SPATA9: variants seen among roughly 807,000 people sequenced by gnomAD.
The protein encoded by SPATA9 is spermatogenesis-associated protein 9.
SPATA9 carries 27 observed loss-of-function variants against 25.5 expected under a neutral mutation model. The observed-to-expected ratio is 1.06, with a 90% CI of 0.78 to 1.46. The LOEUF (loss-of-function observed/expected upper bound fraction) is 1.46. SPATA9 is among the 40% of genes most tolerant of loss of function. SPATA9 has a pLI of 0.00. For missense variants in SPATA9, 282 were observed against 297.5 expected (o/e 0.95, Z 0.38); for synonymous variants, 102 against 105.7 (o/e 0.97, Z 0.21).
At chr5:95,677,573 A>G (rs1561410265) in intron 2 of SPATA9, among the ~76,000 whole-genome samples, 1 of 152,174 alleles carries the variant, frequency 6.6e-6, no homozygotes, top group African/African-American at 2.4e-5. Flanking sequence ...ATTACAGGTA[A>G]TTTCCAAACA....
At chr5:95,710,744 C>T in the SPATA9 span, among the ~76,000 whole-genome samples, 3 of 152,206 alleles carry the variant, frequency 2.0e-5, no homozygotes, top group Admixed American at 2.0e-4. Context: ...CCATTTCATT[C>T]TGTACCTCTT....
intron 3 of SPATA9, among the ~76,000 whole-genome samples, chr5:95,665,963 C>T (rs1751767595): frequency 6.6e-6 from 1 of 152,116 alleles, no homozygotes; most frequent in Non-Finnish European, 1.5e-5. Context: ...GAGCAAAACT[C>T]CATCTCAAAA....
upstream of SPATA9, chr5:95,683,122 T>C: frequency 1.5e-6 from 1 of 655,206 alleles, no homozygotes. Context: ...GATTGAATAA[T>C]AAAGTACACT....
chr5:95,728,698 G>C, the SPATA9 span, among the ~76,000 whole-genome samples: 1 of 152,186 alleles, frequency 6.6e-6, no homozygotes, highest in African/African-American at 2.4e-5. Context: ...ATCTTGAGTA[G>C]AGGCTGGGTA....
At chr5:95,715,657 A>T in the SPATA9 span, among the ~76,000 whole-genome samples, 2 of 152,306 alleles carry the variant, frequency 1.3e-5, no homozygotes, top group South Asian at 4.1e-4. Context: ...TATAGAAAAA[A>T]TTTTATGATC....
chr5:95,709,915 C>A, the SPATA9 span, among the ~76,000 whole-genome samples: 1 of 152,258 alleles, frequency 6.6e-6, no homozygotes, highest in East Asian at 1.9e-4. Flanking sequence ...GGGGATTCTT[C>A]TTTGTTTTTG....
the SPATA9 span, chr5:95,708,942 C>A: frequency 3.9e-6 from 1 of 257,126 alleles, no homozygotes; most frequent in Non-Finnish European, 7.4e-6. Flanking sequence ...CAGTTTCACC[C>A]GACTTAGGCG....
upstream of SPATA9, among the ~76,000 whole-genome samples, chr5:95,702,094 T>C (rs1015844570): frequency 1.3e-5 from 2 of 152,078 alleles, no homozygotes; most frequent in African/African-American, 4.8e-5. Flanking sequence ...TAAGAGCACA[T>C]AGTACTTGCT....
At chr5:95,694,480 C>G (rs992712718) in intron 1 of SPATA9, among the ~76,000 whole-genome samples, 6 of 152,128 alleles carry the variant, frequency 3.9e-5, no homozygotes, top group Non-Finnish European at 2.9e-5. Flanking sequence ...GTATCATGTT[C>G]ATTCAACAGT....
chr5:95,654,398 T>G, downstream of SPATA9: 4 of 1,422,736 alleles, frequency 2.8e-6, no homozygotes, highest in Non-Finnish European at 3.9e-6. Context: ...TTTCAGCAAA[T>G]TCAGCAAATA....
At chr5:95,667,447 G>A (rs931728612) in intron 3 of SPATA9, among the ~76,000 whole-genome samples, 9 of 152,106 alleles carry the variant, frequency 5.9e-5, no homozygotes, top group Admixed American at 2.0e-4. Context: ...TAGGTCACCT[G>A]CAGCATTTCC....
chr5:95,681,560 C>G (rs564500115), intron 2 of SPATA9, among the ~76,000 whole-genome samples: 3 of 152,286 alleles, frequency 2.0e-5, no homozygotes, highest in African/African-American at 7.2e-5. Flanking sequence ...TCCTTTACAA[C>G]TCTATCTCCA....
the SPATA9 span, among the ~76,000 whole-genome samples, chr5:95,710,526 G>A: frequency 1.3e-5 from 2 of 152,130 alleles, no homozygotes; most frequent in East Asian, 1.9e-4. Context: ...CAGAGGCCAC[G>A]GGATCCAGTC....
At chr5:95,698,873 C>T (rs966730985), upstream of SPATA9, among the ~76,000 whole-genome samples, 2 of 152,146 alleles carry the variant, frequency 1.3e-5, no homozygotes, top group African/African-American at 2.4e-5. Flanking sequence ...TTTATTACAG[C>T]AAACTCAACT....
At chr5:95,718,914 G>T in the SPATA9 span, among the ~76,000 whole-genome samples, 1 of 152,204 alleles carries the variant, frequency 6.6e-6, no homozygotes, top group Non-Finnish European at 1.5e-5. Context: ...TGGAAACAGG[G>T]TAGAAGGCTG....
At chr5:95,699,263 C>T (rs928040996), upstream of SPATA9, among the ~76,000 whole-genome samples, 5 of 152,108 alleles carry the variant, frequency 3.3e-5, no homozygotes, top group Admixed American at 6.6e-5. Context: ...TCTCTTGGAC[C>T]GTCGGTTTTC....
At chr5:95,709,891 A>C in the SPATA9 span, among the ~76,000 whole-genome samples, 2 of 152,212 alleles carry the variant, frequency 1.3e-5, no homozygotes, top group South Asian at 4.1e-4. Flanking sequence ...TTGATCTGTT[A>C]GGCTTTGAAG....
the SPATA9 span, among the ~76,000 whole-genome samples, chr5:95,729,248 T>C: frequency 6.6e-6 from 1 of 152,210 alleles, no homozygotes; most frequent in African/African-American, 2.4e-5. Context: ...AACTCTCTTT[T>C]GGAGTCAGGA....
At chr5:95,680,904 C>T (rs1376662303) in intron 2 of SPATA9, among the ~76,000 whole-genome samples, 2 of 152,202 alleles carry the variant, frequency 1.3e-5, no homozygotes, top group African/African-American at 4.8e-5. Context: ...AACGGGATCA[C>T]TATTCTTCTA....
Sources: gnomAD v4.1 joint callset for allele counts (sites outside exome capture counted in the v4.1 genomes callset) on GRCh38, gnomAD v4.1.1 for gene constraint, MANE v1.5 for transcripts, NCBI Gene and HGNC (gene_info 2026-07-23, HGNC 2026-07-21) for gene names.